Variants in KCNS3 observed in about 807,000 individuals in gnomAD.
KCNS3 encodes the protein potassium voltage-gated channel modifier subfamily S member 3.
KCNS3 carries 13 observed loss-of-function variants against 31.0 expected under a neutral mutation model. That is an observed-to-expected ratio of 0.42 (90% CI 0.27 to 0.67). The LOEUF (loss-of-function observed/expected upper bound fraction) is 0.67, where lower values mean the gene tolerates loss of function less well. Among genes scored for constraint, KCNS3 ranks in the 30% least tolerant of loss-of-function variants. The probability of loss-of-function intolerance (pLI) is 0.25; values close to 1 mark genes in which losing one functional copy is unlikely to be tolerated. For missense variants in KCNS3, 545 were observed against 622.4 expected, an observed-to-expected ratio of 0.88 and a Z score of 1.32; for synonymous variants, 238 against 241.5, an observed-to-expected ratio of 0.99 and a Z score of 0.13.
intron 1 of KCNS3, among the ~76,000 whole-genome samples, chr2:17,893,141 T>C (rs1661899158): frequency 6.6e-6 from 1 of 152,110 alleles, no homozygotes; most frequent in Non-Finnish European, 1.5e-5. Context: ...CCCAGGTCAC[T>C]GGAGTTGTGT....
intron 1 of KCNS3, among the ~76,000 whole-genome samples, chr2:17,880,237 G>A (rs1674614426): frequency 6.6e-6 from 1 of 152,198 alleles, no homozygotes. Flanking sequence ...TGATTCTCTA[G>A]CTGAACTTGG....
intron 1 of KCNS3, among the ~76,000 whole-genome samples, chr2:17,885,738 C>T (rs1411102480): frequency 6.6e-6 from 1 of 152,208 alleles, no homozygotes; most frequent in Non-Finnish European, 1.5e-5. Flanking sequence ...TACTCAAAGT[C>T]TACCAATTTA....
At chr2:17,895,000 AT>A (rs1329118208) in intron 1 of KCNS3, among the ~76,000 whole-genome samples, 2 of 152,174 alleles carry the variant, frequency 1.3e-5, no homozygotes, top group African/African-American at 4.8e-5. Flanking sequence ...TGGGGATCTC[AT>A]TATTTTATAA....
At chr2:17,896,536 CT>C (rs531758774) in intron 1 of KCNS3, among the ~76,000 whole-genome samples, 4,251 of 143,358 alleles carry the variant, frequency 0.03, 88 homozygotes, top group Middle Eastern at 0.075. Context: ...TCCTTAGACT[CT>C]TTTTTTTTTT....
rs549962747 is a variant in KCNS3, at chr2:17,882,603, G to A, written c.-252+3797G>A. Among the ~76,000 whole-genome samples, 84 of 152,256 alleles carry A rather than the reference G, an allele frequency of 5.5e-4. 3 individuals are homozygous for A. The South Asian group carries it at 0.017, about 31-fold the overall frequency. On this transcript the variant is annotated intron_variant, in intron 1 of 2. Coordinates refer to ENST00000304101, the MANE Select transcript of KCNS3 (RefSeq NM_002252.5). ...TTTGCTTGCTGGTCTTGACTACTGTGGGTGCTTATTGGAGGCAGGGGATGG... is the reference window on the plus strand; with the variant it reads ...TTTGCTTGCTGGTCTTGACTACTGTAGGTGCTTATTGGAGGCAGGGGATGG...
chr2:17,888,906 A>G (rs1373557571), intron 1 of KCNS3, among the ~76,000 whole-genome samples: 7 of 151,372 alleles, frequency 4.6e-5, no homozygotes, highest in Non-Finnish European at 1.5e-5. Context: ...CTTTGGTTAT[A>G]TGGGCTCTTT....
Position 17,889,355 on chromosome 2 carries a change from C to T in KCNS3, c.-252+10549C>T, listed in dbSNP as rs183470455. On this transcript the variant is annotated intron_variant, in intron 1 of 2. Transcript: ENST00000304101. ...GAGTCCTTAGAATTTTCAAGGTAAACGATCATATCACCAGCAAACAGTGAC... is the reference window on the plus strand; with the variant it reads ...GAGTCCTTAGAATTTTCAAGGTAAATGATCATATCACCAGCAAACAGTGAC... 3.9e-5 allele frequency among the ~76,000 whole-genome samples: 6 copies of T among 152,164 alleles called. No homozygotes were observed. The East Asian group carries it at 7.7e-4, about 20-fold the overall frequency.
intron 1 of KCNS3, among the ~76,000 whole-genome samples, chr2:17,907,114 A>G (rs2125243355): frequency 1.3e-5 from 2 of 151,896 alleles, no homozygotes; most frequent in East Asian, 3.9e-4. Flanking sequence ...GTAGATCTCT[A>G]AGGACTTGCT....
At chr2:17,913,871 C>T (rs1274114068) in intron 1 of KCNS3, among the ~76,000 whole-genome samples, 1 of 152,108 alleles carries the variant, frequency 6.6e-6, no homozygotes, top group African/African-American at 2.4e-5. Context: ...TAGATGAAGG[C>T]TAGGGGTGCT....
chr2:17,905,671 G>T (rs1231522398), intron 1 of KCNS3, among the ~76,000 whole-genome samples: 1 of 152,144 alleles, frequency 6.6e-6, no homozygotes, highest in African/African-American at 2.4e-5. Flanking sequence ...TTAGCATGAA[G>T]GGCTGTTGAA....
intron 1 of KCNS3, among the ~76,000 whole-genome samples, chr2:17,891,662 A>T (rs1015342555): frequency 6.6e-6 from 1 of 152,108 alleles, no homozygotes; most frequent in African/African-American, 2.4e-5. Flanking sequence ...TCTCAAAAAG[A>T]CTATCTTTTC....
chr2:17,927,488 G>A (rs954263042), intron 2 of KCNS3, among the ~76,000 whole-genome samples: 1 of 152,186 alleles, frequency 6.6e-6, no homozygotes, highest in African/African-American at 2.4e-5. Context: ...ACACAAGACT[G>A]TGTAATTTAT....
At position 17,916,842 on chromosome 2, in the gene KCNS3, T is replaced by A. The variant is rs908112327; in HGVS notation, c.-251-838T>A. On this transcript the variant is annotated intron_variant, in intron 1 of 2. Coordinates refer to ENST00000304101, the MANE Select transcript of KCNS3 (RefSeq NM_002252.5). ...AGCCAGAGGCACTTTTTTTTTTTTT[T>A]ATCAGAATCAATATTTTCTTCTTCT... Among the ~76,000 whole-genome samples, 8 of 145,786 alleles carry A rather than the reference T, an allele frequency of 5.5e-5. No homozygotes were observed. In the East Asian group the frequency reaches 8.5e-4, roughly 15 times the overall value.
At chr2:17,907,302 C>T (rs1055186530) in intron 1 of KCNS3, among the ~76,000 whole-genome samples, 2 of 152,056 alleles carry the variant, frequency 1.3e-5, no homozygotes, top group Admixed American at 6.6e-5. Context: ...TTTTGCTTTC[C>T]ATTTGCTTGG....
chr2:17,931,241 A>G lies in KCNS3; in HGVS notation c.233A>G (p.Tyr78Cys). Residue 78 changes from tyrosine (Y) to cysteine (C), a missense_variant, in exon 3 of 3, where the codon TAT becomes TGT. Tyr to Cys is a radical substitution (Grantham distance 194). Coordinates refer to ENST00000304101, the MANE Select transcript of KCNS3 (RefSeq NM_002252.5). This position sits in a 1 kb window ranked among gnomAD's most constrained non-coding sequence, Gnocchi z 5.4. ...GATCGGAATCCCTCCTTGTTCAGAT[A>G]TGTTTTGAATTTTTATTACACGGGG... ...YFDRNPSLFR[Y>C]VLNFYYTGKL... 6.2e-7 allele frequency: 1 copy of G among 1,614,084 alleles called. No individual in the cohort carries two copies. The highest frequency in any genetic ancestry group is 8.5e-7 in the Non-Finnish European group (1 of 1,179,994).
At chr2:17,884,619 T>C (rs1661570495) in intron 1 of KCNS3, among the ~76,000 whole-genome samples, 1 of 151,936 alleles carries the variant, frequency 6.6e-6, no homozygotes, top group South Asian at 2.1e-4. Flanking sequence ...ACATAAAGCT[T>C]GGTTGTGAAA....
intron 1 of KCNS3, among the ~76,000 whole-genome samples, chr2:17,894,785 A>G (rs2061607): frequency 0.82 from 125,400 of 152,154 alleles, 52,085 homozygotes; most frequent in East Asian, 0.97. Context: ...GCCGGCTAAC[A>G]TCACTGCTGG....
At chr2:17,896,434 C>T (rs1367403351) in intron 1 of KCNS3, among the ~76,000 whole-genome samples, 1 of 152,044 alleles carries the variant, frequency 6.6e-6, no homozygotes, top group Non-Finnish European at 1.5e-5. Context: ...AATGATGTCA[C>T]TGGCTTATGT....
Position 17,930,968 on chromosome 2 carries a change from C to T in KCNS3, c.-41C>T, listed in dbSNP as rs1323496657. On this transcript the variant is annotated 5_prime_UTR_variant, in exon 3 of 3. Transcript: ENST00000304101. The stretch of plus-strand genomic sequence containing the variant: ...TTTCCAGGTGCAGCCTGATCTTCCT[C>T]TTCTCCCTTGCCAGCCAGCACTCTG... 1.9e-6 allele frequency: 3 copies of T among 1,586,688 alleles called. No individual in the cohort carries two copies. The highest frequency in any genetic ancestry group is 2.7e-5 in the African/African-American group (2 of 74,434).
Sources: allele counts gnomAD v4.1 joint callset (sites outside exome capture counted in the v4.1 genomes callset), GRCh38; gene constraint gnomAD v4.1.1; non-coding constraint Gnocchi (gnomAD v3.1); transcripts MANE v1.5; gene names NCBI Gene and HGNC (gene_info 2026-07-23, HGNC 2026-07-21).